The following BMPR1A variants were observed in gnomAD, a reference collection of about 807,000 sequenced individuals.
BMPR1A encodes bone morphogenetic protein receptor type 1A, also known as bone morphogenetic protein receptor type-1A.
BMPR1A carries 7 observed loss-of-function variants against 66.0 expected under a neutral mutation model. The ratio of observed to expected loss-of-function variants is 0.11; its 90% CI spans 0.06 to 0.20. The LOEUF (loss-of-function observed/expected upper bound fraction) is 0.20. Among genes scored for constraint, BMPR1A ranks in the 10% least tolerant of loss-of-function variants. The pLI is 1.00. For missense variants in BMPR1A, 408 were observed against 669.1 expected (o/e 0.61, Z 4.31); for synonymous variants, 200 against 229.7 (o/e 0.87, Z 1.17).
Position 86,912,223 on chromosome 10 carries a change from T to C in BMPR1A, c.531-17T>C, listed in dbSNP as rs1300098425. The C allele has an allele frequency of 6.2e-7, 1 of 1,612,330 alleles. No individual in the cohort carries two copies. The highest frequency in any genetic ancestry group is 1.1e-5 in the South Asian group (1 of 91,010). ...TTTTTCATTTTTAATGTAGATTGTT[T>C]TCTGCTTTTTTAAAAGACATTATTG... On this transcript the variant is annotated splice_polypyrimidine_tract_variant and intron_variant, in intron 7 of 12. Coordinates refer to ENST00000372037, the MANE Select transcript of BMPR1A (RefSeq NM_004329.3).
chr10:86,861,202 A>T (rs997048621), intron 2 of BMPR1A, among the ~76,000 whole-genome samples: 1 of 152,146 alleles, frequency 6.6e-6, no homozygotes, highest in African/African-American at 2.4e-5. Context: ...TGTAACGCAG[A>T]ATAAAGAAAA....
chr10:86,875,740 C>A (rs1223795807), intron 2 of BMPR1A, 127 bp from the exon 3 acceptor site: 16 of 463,134 alleles, frequency 3.5e-5, no homozygotes, highest in South Asian at 1.1e-4. Context: ...AGCAAGGATA[C>A]CTTTAATCTT....
At chr10:86,835,549 CAAAAAAAAAAAAAAAAAAAAAAAAA>C (rs55804247) in intron 1 of BMPR1A, among the ~76,000 whole-genome samples, 7 of 44,338 alleles carry the variant, frequency 1.6e-4, no homozygotes, top group East Asian at 6.1e-4. Context: ...GACTCTGTAT[CAAAAAAAAAAAAAAAAAAAAAAAAA>C]AAAAAAAAAA....
intron 1 of BMPR1A, among the ~76,000 whole-genome samples, chr10:86,764,890 AT>A (rs1169634013): frequency 6.6e-6 from 1 of 152,208 alleles, no homozygotes; most frequent in East Asian, 1.9e-4. Flanking sequence ...ATATAGTGAG[AT>A]GATACTGTTA....
chr10:86,810,578 G>A (rs1281121514), intron 1 of BMPR1A, among the ~76,000 whole-genome samples: 4 of 152,092 alleles, frequency 2.6e-5, no homozygotes, highest in African/African-American at 7.2e-5. Flanking sequence ...GGCAACATTT[G>A]TTATTATTTT....
rs372585343 is a variant in BMPR1A at position 86,814,246 on chromosome 10, C to T, written c.-267-24619C>T. ...AATTCCTGGGCTCAAGTGATCCTCT[C>T]GCCTCAGCTTCCCCAATGCTGAGAG... On this transcript the variant is annotated intron_variant, in intron 1 of 12. Transcript: ENST00000372037. Among the ~76,000 whole-genome samples the T allele has an allele frequency of 2.6e-5, 4 of 152,252 alleles. No individual in the cohort carries two copies. In the East Asian group the frequency reaches 7.7e-4, roughly 29 times the overall value.
chr10:86,805,930 C>T (rs1211132545), intron 1 of BMPR1A, among the ~76,000 whole-genome samples: 6 of 148,134 alleles, frequency 4.1e-5, no homozygotes, highest in Non-Finnish European at 7.4e-5. Context: ...TTTTTCCCTT[C>T]CAGTGGAGGA....
chr10:86,816,477 G>A (rs544427691), intron 1 of BMPR1A, among the ~76,000 whole-genome samples: 182 of 152,276 alleles, frequency 1.2e-3, no homozygotes, highest in Non-Finnish European at 7.2e-4. Flanking sequence ...TTGATTGTCA[G>A]AGAAACTGAA....
chr10:86,866,408 T>TTC (rs1554885986), intron 2 of BMPR1A, among the ~76,000 whole-genome samples: 9 of 110,446 alleles, frequency 8.1e-5, no homozygotes, highest in Non-Finnish European at 1.6e-4. Flanking sequence ...TCTTTTTTTT[T>TTC]TTTTTTTTTT....
At chr10:86,909,290 A>T (rs931737328) in intron 7 of BMPR1A, among the ~76,000 whole-genome samples, 2 of 152,170 alleles carry the variant, frequency 1.3e-5, no homozygotes, top group Non-Finnish European at 2.9e-5. Flanking sequence ...CAATGTAAGG[A>T]TGCTATTTAG....
rs920826896 is a variant in BMPR1A, at chr10:86,854,747, A to G, written c.-153+15768A>G. 37 of 236,490 alleles carry G rather than the reference A, an allele frequency of 1.6e-4. 2 individuals are homozygous for G. The highest frequency in any genetic ancestry group is 1.5e-3 in the Middle Eastern group (3 of 2,050). 14.6% of individuals were successfully genotyped at this position (236,490 alleles called of 1,614,324 possible). On this transcript the variant is annotated intron_variant, in intron 2 of 12. Coordinates refer to ENST00000372037, the MANE Select transcript of BMPR1A (RefSeq NM_004329.3). ...CTTCATCCAAAACGTATCATCCTCTATAAAACTCCCTGATCCTCAGATTTA... is the reference window on the plus strand; with the variant it reads ...CTTCATCCAAAACGTATCATCCTCTGTAAAACTCCCTGATCCTCAGATTTA...
intron 2 of BMPR1A, among the ~76,000 whole-genome samples, chr10:86,868,082 GT>G (rs1383455336): frequency 6.6e-6 from 1 of 152,168 alleles, no homozygotes; most frequent in Non-Finnish European, 1.5e-5. Flanking sequence ...CCCCATCCCT[GT>G]TTTAGGTCTT....
chr10:86,899,669 T>G, intron 5 of BMPR1A, 125 bp from the exon 6 acceptor site: 4 of 961,252 alleles, frequency 4.2e-6, no homozygotes, highest in Admixed American at 4.6e-5. Flanking sequence ...TAATCTGTTT[T>G]TACATATAAA....
chr10:86,800,181 T>C (rs1362143344), intron 1 of BMPR1A, among the ~76,000 whole-genome samples: 2 of 152,144 alleles, frequency 1.3e-5, no homozygotes, highest in Non-Finnish European at 2.9e-5. Flanking sequence ...TTCTGACTCA[T>C]CTTGAAAAAT....
At chr10:86,799,339 T>C (rs1200395214) in intron 1 of BMPR1A, among the ~76,000 whole-genome samples, 1 of 152,204 alleles carries the variant, frequency 6.6e-6, no homozygotes, top group African/African-American at 2.4e-5. Context: ...CAAGGTAATT[T>C]AGGCTTTCGT....
At chr10:86,837,247 CTGTGTGTG>C (rs71019433) in intron 1 of BMPR1A, among the ~76,000 whole-genome samples, 2 of 138,106 alleles carry the variant, frequency 1.4e-5, no homozygotes, top group African/African-American at 2.7e-5. Flanking sequence ...GTGTGTGTGT[CTGTGTGTG>C]TGTGTGTGTG....
intron 1 of BMPR1A, among the ~76,000 whole-genome samples, chr10:86,835,783 A>C (rs905540300): frequency 5.3e-5 from 8 of 152,052 alleles, no homozygotes; most frequent in African/African-American, 1.9e-4. Flanking sequence ...TTAAGATTTA[A>C]CCATTTTAAT....
chr10:86,845,111 A>T (rs17107103), intron 2 of BMPR1A, among the ~76,000 whole-genome samples: 4,782 of 152,326 alleles, frequency 0.031, 172 homozygotes, highest in African/African-American at 0.087. Flanking sequence ...CTTCAGTTTG[A>T]ATCTTGACTT....
rs59388849 is a variant in BMPR1A at position 86,895,470 on chromosome 10, G to A, written c.333+3241G>A. The stretch of plus-strand genomic sequence containing the variant: ...GGAGAATTGCTTGAACACAGGAGGT[G>A]GAGGTTGCAGTGAGCCAAAATCATG... On this transcript the variant is annotated intron_variant, in intron 5 of 12. Coordinates refer to ENST00000372037, the MANE Select transcript of BMPR1A (RefSeq NM_004329.3). 6.6e-3 allele frequency among the ~76,000 whole-genome samples: 1,009 copies of A among 152,094 alleles called. 10 individuals are homozygous for A. The highest frequency in any genetic ancestry group is 0.023 in the African/African-American group (954 of 41,488).
Sources: gnomAD v4.1 joint callset for allele counts (sites outside exome capture counted in the v4.1 genomes callset) on GRCh38, gnomAD v4.1.1 for gene constraint, MANE v1.5 for transcripts, NCBI Gene and HGNC (gene_info 2026-07-23, HGNC 2026-07-21) for gene names.